MYO5B: variants seen among roughly 807,000 people sequenced by gnomAD.
MYO5B encodes the protein myosin VB.
A neutral mutation model predicts 229.3 loss-of-function variants in MYO5B; 143 were observed. The observed-to-expected ratio is 0.62, with a 90% confidence interval of 0.54 to 0.72. The LOEUF is 0.72. Ranked by LOEUF, MYO5B falls within the 30% of genes least tolerant of loss-of-function variation. The pLI is 0.00. For synonymous variants in MYO5B, 918 were observed against 885.2 expected (o/e 1.04, Z -0.66); for missense variants, 2,321 against 2,331.0 (o/e 1.00, Z 0.09).
At chr18:49,982,740 T>C (rs1304753589) in intron 8 of MYO5B, among the ~76,000 whole-genome samples, 1 of 152,214 alleles carries the variant, frequency 6.6e-6, no homozygotes, top group Non-Finnish European at 1.5e-5. Context: ...CAACAAACTG[T>C]ATGGCCCACA....
Position 49,898,435 on chromosome 18 carries a change from A to G in MYO5B, c.2812-3261T>C, listed in dbSNP as rs563630268. Among the ~76,000 whole-genome samples the G allele has an allele frequency of 3.9e-5, 6 of 152,358 alleles. 1 individual carries two copies. The South Asian group carries it at 1.2e-3, about 32-fold the overall frequency. ...TCATTATAAATAAATTGTAAGTTAAACTGGCCAACTCTAAATGTGTGCTTG... is the reference window on the plus strand; with the variant it reads ...TCATTATAAATAAATTGTAAGTTAAGCTGGCCAACTCTAAATGTGTGCTTG... On this transcript the variant is annotated intron_variant, in intron 21 of 39. Transcript: ENST00000285039.
intron 5 of MYO5B, among the ~76,000 whole-genome samples, chr18:49,998,914 T>C (rs552208911): frequency 1.3e-5 from 2 of 152,274 alleles, no homozygotes; most frequent in South Asian, 2.1e-4. Flanking sequence ...ATTCTGGAAA[T>C]AGATGGCAGT....
At chr18:50,077,414 T>A (rs986626759) in intron 1 of MYO5B, among the ~76,000 whole-genome samples, 1 of 151,402 alleles carries the variant, frequency 6.6e-6, no homozygotes, top group African/African-American at 2.4e-5. Flanking sequence ...TAACTCAGAG[T>A]GGCCCTGCAT....
intron 1 of MYO5B, among the ~76,000 whole-genome samples, chr18:50,103,595 A>T (rs1213058946): frequency 2.0e-5 from 3 of 152,154 alleles, no homozygotes; most frequent in Non-Finnish European, 4.4e-5. Flanking sequence ...AAACAAATTT[A>T]AAAATCAGCC....
Position 50,032,413 on chromosome 18 carries a change from G to C in MYO5B, c.455+4437C>G, listed in dbSNP as rs1434931064. On this transcript the variant is annotated intron_variant, in intron 4 of 39. Transcript: ENST00000285039. ...CTAGGCAGCTGTAAATCTACTTTCT[G>C]TCTCTATAGATTTGCCTATTCTGGA... 2.6e-5 allele frequency among the ~76,000 whole-genome samples: 4 copies of C among 152,120 alleles called. 1 individual carries two copies. The highest frequency in any genetic ancestry group is 5.9e-5 in the Non-Finnish European group (4 of 68,028).
chr18:49,969,334 A>G (rs935498133), intron 10 of MYO5B, among the ~76,000 whole-genome samples: 4 of 152,242 alleles, frequency 2.6e-5, no homozygotes, highest in African/African-American at 9.6e-5. Context: ...AAACTAAAGC[A>G]AAAGAATATT....
chr18:50,106,293 C>A (rs1193249244), intron 1 of MYO5B, among the ~76,000 whole-genome samples: 1 of 152,190 alleles, frequency 6.6e-6, no homozygotes, highest in Non-Finnish European at 1.5e-5. Flanking sequence ...GACCCCACAT[C>A]AACGCATTCT....
chr18:49,941,321 G>C (rs2144221185), intron 14 of MYO5B, among the ~76,000 whole-genome samples: 1 of 152,298 alleles, frequency 6.6e-6, no homozygotes, highest in African/African-American at 2.4e-5. Context: ...TCTCTGGTGA[G>C]CAGCCCAAGC....
rs929088758 is a variant in MYO5B at position 50,055,515 on chromosome 18, G to C, written c.28-137C>G. ...CACATCTCCCCACCTTCTCATTTCA[G>C]GACACAACGTGATCCGATATCATGA... On this transcript the variant is annotated intron_variant, in intron 1 of 39. Coordinates refer to ENST00000285039, the MANE Select transcript of MYO5B (RefSeq NM_001080467.3). The C allele has an allele frequency of 2.0e-5, 14 of 714,642 alleles. No homozygotes were observed. In the African/African-American group the frequency reaches 2.1e-4, roughly 11 times the overall value. 44.3% of individuals were successfully genotyped at this position (714,642 alleles called of 1,614,324 possible). A position where few individuals can be genotyped will look rare whatever the true frequency, so the allele number is the denominator to read the frequency against.
intron 39 of MYO5B, among the ~76,000 whole-genome samples, chr18:49,829,310 T>TA (rs1826735598): frequency 1.3e-5 from 2 of 152,000 alleles, no homozygotes; most frequent in African/African-American, 4.8e-5. Flanking sequence ...AAAAGGATTA[T>TA]AAGAGAATAC....
chr18:49,839,049 A>T (rs532272737), intron 36 of MYO5B, 95 bp downstream of exon 36: 65 of 1,496,246 alleles, frequency 4.3e-5, no homozygotes, highest in Non-Finnish European at 5.0e-5. Flanking sequence ...CATGGCTAAG[A>T]TATCTGGTTC....
intron 30 of MYO5B, among the ~76,000 whole-genome samples, chr18:49,855,714 T>C (rs1278945628): frequency 1.3e-5 from 2 of 152,216 alleles, no homozygotes; most frequent in Admixed American, 6.5e-5. Flanking sequence ...CATGTCACCT[T>C]GCTCACAGAT....
intron 1 of MYO5B, among the ~76,000 whole-genome samples, chr18:50,092,463 C>T (rs1047725602): frequency 1.3e-5 from 2 of 152,208 alleles, no homozygotes; most frequent in African/African-American, 2.4e-5. Context: ...TTCTAACACA[C>T]CTCACTAAAG....
chr18:50,166,860 T>C lies in MYO5B; in HGVS notation c.27+27907A>G, dbSNP rs560757838. Among the ~76,000 whole-genome samples, 15 of 152,338 alleles carry C rather than the reference T, an allele frequency of 9.8e-5. No individual in the cohort carries two copies. The South Asian group carries it at 2.9e-3, about 29-fold the overall frequency. On this transcript the variant is annotated intron_variant, in intron 1 of 39. Coordinates refer to ENST00000285039, the MANE Select transcript of MYO5B (RefSeq NM_001080467.3). ...AGACCTACAGCATTTCCACCTTTAGTGTAACCAAGTATATAACATTTTACT... is the reference window on the plus strand; with the variant it reads ...AGACCTACAGCATTTCCACCTTTAGCGTAACCAAGTATATAACATTTTACT...
Position 49,857,800 on chromosome 18 carries a change from C to T in MYO5B, c.3945-910G>A, listed in dbSNP as rs545543848. On this transcript the variant is annotated intron_variant, in intron 29 of 39. Transcript: ENST00000285039. ...CACCTCCACCTAGGTCCTCAACCTGCGCAGCCCTGGGCACACAGAGATACT... is the reference window on the plus strand; with the variant it reads ...CACCTCCACCTAGGTCCTCAACCTGTGCAGCCCTGGGCACACAGAGATACT... Among the ~76,000 whole-genome samples the T allele has an allele frequency of 2.1e-3, 323 of 152,296 alleles. 5 individuals carry two copies. Among genetic ancestry groups the T allele is most frequent in the Non-Finnish European group, 3.1e-3 (212 of 68,008 alleles).
At chr18:50,036,824 G>C (rs903046879) in intron 4 of MYO5B, 26 bp downstream of exon 4, 49 of 1,613,574 alleles carry the variant, frequency 3.0e-5, no homozygotes, top group Non-Finnish European at 4.0e-5. Flanking sequence ...TACTCAGGAG[G>C]ACTTCTGGGC....
chr18:50,002,513 A>G (rs1053953467), intron 4 of MYO5B, among the ~76,000 whole-genome samples: 1 of 152,192 alleles, frequency 6.6e-6, no homozygotes, highest in African/African-American at 2.4e-5. Flanking sequence ...GCTGGTGCCA[A>G]GAGACTCAGG....
chr18:50,131,601 A>G (rs758944730), intron 1 of MYO5B, among the ~76,000 whole-genome samples: 4 of 152,178 alleles, frequency 2.6e-5, no homozygotes, highest in Non-Finnish European at 5.9e-5. Flanking sequence ...AATTATCATC[A>G]TAAGTATTAT....
chr18:50,114,144 G>C (rs1320502342), intron 1 of MYO5B, among the ~76,000 whole-genome samples: 3 of 151,880 alleles, frequency 2.0e-5, no homozygotes, highest in Non-Finnish European at 4.4e-5. Flanking sequence ...TGAGGAGATG[G>C]TATTATTTTA....
Sources: gnomAD v4.1 joint callset for allele counts (sites outside exome capture counted in the v4.1 genomes callset) on GRCh38, gnomAD v4.1.1 for gene constraint, MANE v1.5 for transcripts, NCBI Gene and HGNC (gene_info 2026-07-23, HGNC 2026-07-21) for gene names.